Variants in LARP1 observed in about 807,000 individuals in gnomAD.
LARP1 encodes la-related protein 1.
A neutral mutation model predicts 122.7 loss-of-function variants in LARP1; 36 were observed. The ratio of observed to expected loss-of-function variants is 0.29; its 90% CI spans 0.22 to 0.39. The LOEUF (loss-of-function observed/expected upper bound fraction) is 0.39, where lower values mean the gene tolerates loss of function less well. Ranked by LOEUF, LARP1 falls within the 10% of genes least tolerant of loss-of-function variation. LARP1 has a pLI of 1.00. For missense variants in LARP1, 1,040 were observed against 1,403.6 expected (o/e 0.74, Z 4.14); for synonymous variants, 539 against 528.7 (o/e 1.02, Z -0.27).
rs994385825 is a variant in LARP1 at position 154,795,276 on chromosome 5, A to G, written c.1334A>G (p.His445Arg). 1 of 1,613,946 alleles carries G rather than the reference A, an allele frequency of 6.2e-7. No homozygotes were observed. Among genetic ancestry groups the G allele is most frequent in the Non-Finnish European group, 8.5e-7 (1 of 1,179,974 alleles). ...CCCATCACCCTTATTGCTTCCTTCC[A>G]CCGAGTGCAGGCCCTTACCACTGAC... ...FLPITLIASF[H>R]RVQALTTDIS... The change falls in exon 8 of 19, where the codon CAC becomes CGC. Residue 445 changes from histidine (H) to arginine (R), a missense_variant. Physicochemically the swap from His to Arg is conservative, Grantham distance 29. This residue lies in a region of LARP1 where 362 missense variants were observed against 533.1 expected (regional missense o/e 0.68). Transcript: ENST00000518297.
chr5:154,726,179 A>T (rs1468416797), intron 1 of LARP1, among the ~76,000 whole-genome samples: 2 of 152,102 alleles, frequency 1.3e-5, no homozygotes, highest in Non-Finnish European at 2.9e-5. Flanking sequence ...AAAGGGCAAC[A>T]CCCTAGGAGT....
chr5:154,741,811 G>T (rs375676626), intron 1 of LARP1, among the ~76,000 whole-genome samples: 60 of 152,078 alleles, frequency 3.9e-4, no homozygotes, highest in African/African-American at 1.4e-3. Context: ...TTGTTTGTTT[G>T]TTTTTAAGAG....
intron 14 of LARP1, among the ~76,000 whole-genome samples, chr5:154,804,619 A>G (rs1758607208): frequency 6.6e-6 from 1 of 152,198 alleles, no homozygotes; most frequent in African/African-American, 2.4e-5. Context: ...TAGTTGAATA[A>G]ACAGATTTCT....
At position 154,734,167 on chromosome 5, in the gene LARP1, C is replaced by CAA. The variant is rs200029143; in HGVS notation, c.205+21050_205+21051dup. On this transcript the variant is annotated intron_variant, in intron 1 of 18. Transcript: ENST00000336314. ...GGGCAACAAAAGTGAAACTCCCTCT[C>CAA]AAAAAAAAAAAAAATAGTACCTACC... Among the ~76,000 whole-genome samples, 6 of 124,474 alleles carry CAA rather than the reference C, an allele frequency of 4.8e-5. No individual in the cohort carries two copies. The South Asian group carries it at 7.4e-4, about 15-fold the overall frequency. 81.7% of individuals were successfully genotyped at this position (124,474 alleles called of 152,430 possible).
chr5:154,775,383 C>T (rs1467100995), intron 1 of LARP1, among the ~76,000 whole-genome samples: 2 of 151,928 alleles, frequency 1.3e-5, no homozygotes, highest in African/African-American at 4.8e-5. Flanking sequence ...GTCCCAGCTA[C>T]TCAGGGGACT....
chr5:154,805,608 A>C (rs960307419), intron 14 of LARP1: 10 of 377,466 alleles, frequency 2.6e-5, no homozygotes, highest in Middle Eastern at 6.9e-4. Context: ...AAGTTTTATC[A>C]TTGGACACGT....
intron 1 of LARP1, among the ~76,000 whole-genome samples, chr5:154,770,386 G>A (rs952623373): frequency 5.3e-5 from 8 of 152,084 alleles, no homozygotes; most frequent in Non-Finnish European, 1.0e-4. Context: ...GGTAGTTTAG[G>A]CAGGCATTTT....
intron 1 of LARP1, among the ~76,000 whole-genome samples, chr5:154,725,574 CAAAA>C (rs902011067): frequency 1.3e-5 from 2 of 151,492 alleles, no homozygotes; most frequent in African/African-American, 4.9e-5. Flanking sequence ...AAAAGCTAAA[CAAAA>C]TAAATGTGTG....
chr5:154,793,136 C>T (rs1355874658), intron 4 of LARP1, among the ~76,000 whole-genome samples: 3 of 152,140 alleles, frequency 2.0e-5, no homozygotes, highest in Admixed American at 1.3e-4. Flanking sequence ...TGTGGTACAC[C>T]GGTTCTTCAT....
rs560029047 is a variant in LARP1, at chr5:154,699,711, C to T, written c.-180+16674C>T. Among the ~76,000 whole-genome samples the T allele has an allele frequency of 1.2e-4, 18 of 152,248 alleles. No individual in the cohort carries two copies. In the South Asian group the frequency reaches 2.1e-3, roughly 18 times the overall value. On this transcript the variant is annotated intron_variant, in intron 1 of 18. Coordinates refer to the LARP1 transcript ENST00000687700. Reference sequence around the variant, plus strand: ...TTTCGTACTGTGTCCACAGGAACTCCTTAGGGCTCCATGGAACACCTGGAG... The same window carrying T: ...TTTCGTACTGTGTCCACAGGAACTCTTTAGGGCTCCATGGAACACCTGGAG...
intron 1 of LARP1, among the ~76,000 whole-genome samples, chr5:154,785,059 G>A (rs905502043): frequency 1.3e-5 from 2 of 152,124 alleles, no homozygotes; most frequent in East Asian, 3.9e-4. Context: ...AACAAAGCAG[G>A]GCTTTATGTC....
chr5:154,782,410 G>C (rs184654277), intron 1 of LARP1, among the ~76,000 whole-genome samples: 1 of 152,262 alleles, frequency 6.6e-6, no homozygotes, highest in East Asian at 1.9e-4. Context: ...ACCAGCAGTG[G>C]GAGTGGCCAC....
intron 1 of LARP1, among the ~76,000 whole-genome samples, chr5:154,735,545 T>TTTTATTTA (rs201042247): frequency 0.11 from 16,321 of 143,778 alleles, 1,009 homozygotes; most frequent in Non-Finnish European, 0.14. Flanking sequence ...TTATTTTTAT[T>TTTTATTTA]TTTATTTATT....
chr5:154,805,530 A>G (rs887457444), intron 14 of LARP1, among the ~76,000 whole-genome samples: 6 of 152,228 alleles, frequency 3.9e-5, no homozygotes, highest in African/African-American at 1.4e-4. Context: ...GGTTCACTGT[A>G]GATGGATTGA....
At chr5:154,738,629 G>GC (rs1028449428) in intron 1 of LARP1, among the ~76,000 whole-genome samples, 18 of 151,960 alleles carry the variant, frequency 1.2e-4, no homozygotes, top group Non-Finnish European at 2.2e-4. Context: ...TTACAGCAAT[G>GC]CCCATAGACT....
At position 154,755,411 on chromosome 5, in the gene LARP1, C is replaced by G. The variant is rs1173167187; in HGVS notation, c.-347C>G. 6.6e-6 allele frequency among the ~76,000 whole-genome samples: 1 copy of G among 150,772 alleles called. No individual in the cohort carries two copies. Among genetic ancestry groups the G allele is most frequent in the Admixed American group, 6.6e-5 (1 of 15,212 alleles). ...GCTGCAGCCCCCGAGCCGGGAAGCC[C>G]GGGCCGCCCCGGGGGCGGGGGGGAG... On this transcript the variant is annotated 5_prime_UTR_variant, in exon 1 of 19. Coordinates refer to ENST00000518297, the MANE Select transcript of LARP1 (RefSeq NM_033551.3).
At chr5:154,745,794 G>GT (rs151281976) in intron 1 of LARP1, among the ~76,000 whole-genome samples, 742 of 136,056 alleles carry the variant, frequency 5.5e-3, no homozygotes, top group Admixed American at 5.7e-3. Flanking sequence ...AAACCCAACT[G>GT]TTTTTTTTTT....
intron 1 of LARP1, among the ~76,000 whole-genome samples, chr5:154,722,803 C>T (rs185418078): frequency 6.6e-6 from 1 of 151,910 alleles, no homozygotes; most frequent in East Asian, 1.9e-4. Flanking sequence ...GCCTCAGTCT[C>T]CTGAGTAGCT....
chr5:154,798,855 T>TTTTGTTTGTTTG (rs60748260), intron 8 of LARP1, among the ~76,000 whole-genome samples: 1 of 151,848 alleles, frequency 6.6e-6, no homozygotes, highest in African/African-American at 2.4e-5. Flanking sequence ...TTGGTTGTTT[T>TTTTGTTTGTTTG]TTTGTTTGTT....
Sources: allele counts gnomAD v4.1 joint callset (sites outside exome capture counted in the v4.1 genomes callset), GRCh38; gene constraint gnomAD v4.1.1; regional missense constraint gnomAD v4.1.1; transcripts MANE v1.5; gene names NCBI Gene and HGNC (gene_info 2026-07-23, HGNC 2026-07-21).